Variants in IFT80 observed in about 807,000 individuals in gnomAD.
The protein encoded by IFT80 is intraflagellar transport protein 80 homolog.
Under a neutral mutation model 107.9 loss-of-function variants are expected in IFT80, and 79 were observed. The observed-to-expected ratio is 0.73, with a 90% CI of 0.61 to 0.88. The LOEUF is 0.88. IFT80 is among the 40% of genes least tolerant of loss of function. The probability of loss-of-function intolerance (pLI) is 0.00; values close to 1 mark genes in which losing one functional copy is unlikely to be tolerated. For synonymous variants in IFT80, 299 were observed against 300.9 expected, an observed-to-expected ratio of 0.99 and a Z score of 0.07; for missense variants, 797 against 914.2, an observed-to-expected ratio of 0.87 and a Z score of 1.65.
rs907082629 is a variant in IFT80 at position 160,365,951 on chromosome 3, A to G, written c.549+92T>C. 4 of 897,252 alleles carry G rather than the reference A, an allele frequency of 4.5e-6. No individual in the cohort carries two copies. In the African/African-American group the frequency reaches 6.6e-5, roughly 15 times the overall value. The allele number at this position is 897,252 out of a possible 1,614,324, so 55.6% of individuals were successfully genotyped here. A position where few individuals can be genotyped will look rare whatever the true frequency, so the allele number is the denominator to read the frequency against. On this transcript the variant is annotated intron_variant, in intron 6 of 19. Coordinates refer to ENST00000326448, the MANE Select transcript of IFT80 (RefSeq NM_020800.3). ...TACTTAAAGACCAGACTGTAAAAAG[A>G]CCACCCAGAAGAAAGAGACTCCTAA...
intron 8 of IFT80, among the ~76,000 whole-genome samples, chr3:160,327,581 A>T (rs944656194): frequency 6.6e-6 from 1 of 152,236 alleles, no homozygotes; most frequent in Non-Finnish European, 1.5e-5. Context: ...TGAGGAAAGG[A>T]GTCCCTATTT....
rs775678547 is a variant in IFT80, at chr3:160,375,880, A to G, written c.371T>C (p.Val124Ala). Residue 124 changes from valine to alanine, a missense_variant and splice_region_variant, in exon 5 of 20, where the codon GTT (valine) becomes GCT (alanine). By Grantham distance (64) the Val-to-Ala change is moderately conservative. Coordinates refer to ENST00000326448, the MANE Select transcript of IFT80 (RefSeq NM_020800.3). ...WNYEGTALVTVGEDGQIKIWS... is the reference protein window; with the variant it reads ...WNYEGTALVTAGEDGQIKIWS... ...AATTTTTATTTGTCCATCTTCTCCA[A>G]CTATACAGGGAAAAAAAAATTAATC... 60 of 1,598,236 alleles carry G rather than the reference A, an allele frequency of 3.8e-5. No homozygotes were observed. Among genetic ancestry groups the G allele is most frequent in the Non-Finnish European group, 4.8e-5 (56 of 1,166,514 alleles).
chr3:160,285,676 G>C (rs1408388880), intron 13 of IFT80, 128 bp downstream of exon 13: 3 of 666,320 alleles, frequency 4.5e-6, no homozygotes, highest in Non-Finnish European at 7.8e-6. Context: ...ATAGTCAATG[G>C]AGAATGCACA....
chr3:160,321,796 T>A (rs1718238076), intron 8 of IFT80, among the ~76,000 whole-genome samples: 1 of 151,836 alleles, frequency 6.6e-6, no homozygotes, highest in Non-Finnish European at 1.5e-5. Flanking sequence ...GACTACCAAA[T>A]TTAAAGTATG....
intron 8 of IFT80, among the ~76,000 whole-genome samples, chr3:160,346,407 G>GA (rs1294638149): frequency 1.3e-5 from 2 of 151,936 alleles, no homozygotes; most frequent in Non-Finnish European, 2.9e-5. Flanking sequence ...ATAAAACTTT[G>GA]AAAAAAATAA....
chr3:160,384,533 C>A, intron 2 of IFT80, 31 bp downstream of exon 2: 4 of 1,411,632 alleles, frequency 2.8e-6, no homozygotes, highest in South Asian at 2.6e-5. Flanking sequence ...TTAAGAAAAT[C>A]CAATAAGATT....
chr3:160,361,816 C>A (rs1268743388), intron 6 of IFT80, among the ~76,000 whole-genome samples: 1 of 152,172 alleles, frequency 6.6e-6, no homozygotes, highest in African/African-American at 2.4e-5. Context: ...TAAAGATGTT[C>A]TTTGAAACCA....
chr3:160,324,788 G>C (rs1718554513), intron 8 of IFT80, among the ~76,000 whole-genome samples: 1 of 152,084 alleles, frequency 6.6e-6, no homozygotes, highest in Non-Finnish European at 1.5e-5. Context: ...AGGGCAATTA[G>C]GCAGGAGAAG....
At chr3:160,381,088 T>A (rs2108403217) in intron 3 of IFT80, among the ~76,000 whole-genome samples, 1 of 151,296 alleles carries the variant, frequency 6.6e-6, no homozygotes, top group East Asian at 1.9e-4. Flanking sequence ...AATGTTTTAA[T>A]TAACCAGATG....
At chr3:160,365,941 C>T in intron 6 of IFT80, 102 bp downstream of exon 6, 1 of 824,662 alleles carries the variant, frequency 1.2e-6, no homozygotes, top group Non-Finnish European at 2.1e-6. Context: ...AAAGACCAGA[C>T]TGTAAAAAGA....
chr3:160,311,867 T>A (rs1717285297), intron 9 of IFT80, among the ~76,000 whole-genome samples: 1 of 152,150 alleles, frequency 6.6e-6, no homozygotes, highest in Admixed American at 6.5e-5. Context: ...AACCTCCGCC[T>A]CCCAGGTTCA....
intron 8 of IFT80, among the ~76,000 whole-genome samples, chr3:160,323,841 T>C (rs551868514): frequency 5.8e-4 from 88 of 151,734 alleles, no homozygotes; most frequent in Admixed American, 1.1e-3. Context: ...AATCCAGGAG[T>C]TGGTTTTTTG....
At chr3:160,290,010 A>T (rs571750786) in intron 12 of IFT80, among the ~76,000 whole-genome samples, 2 of 152,110 alleles carry the variant, frequency 1.3e-5, no homozygotes, top group Non-Finnish European at 2.9e-5. Context: ...TTGAATGAAA[A>T]CTGGAGAGTT....
chr3:160,299,540 C>A (rs1716249064), intron 12 of IFT80, among the ~76,000 whole-genome samples: 1 of 152,094 alleles, frequency 6.6e-6, no homozygotes, highest in African/African-American at 2.4e-5. Context: ...GGATCACTCA[C>A]TCTTAACTTT....
At chr3:160,348,379 G>A (rs749889561) in intron 8 of IFT80, among the ~76,000 whole-genome samples, 81 of 152,148 alleles carry the variant, frequency 5.3e-4, no homozygotes, top group Non-Finnish European at 7.9e-4. Context: ...CTTTTGATAT[G>A]TAAGGAATAA....
intron 6 of IFT80, among the ~76,000 whole-genome samples, chr3:160,365,013 GAA>G (rs61095178): frequency 1.4e-5 from 2 of 143,220 alleles, no homozygotes; most frequent in African/African-American, 5.0e-5. Flanking sequence ...AAAAAAAAAA[GAA>G]AAAAAAACAA....
chr3:160,310,685 A>G (rs111418059), intron 9 of IFT80, among the ~76,000 whole-genome samples: 313 of 152,308 alleles, frequency 2.1e-3, no homozygotes, highest in African/African-American at 7.0e-3. Flanking sequence ...TCAGGTTTAT[A>G]ATACCTGAAC....
chr3:160,338,378 G>T (rs1429706813), intron 8 of IFT80, among the ~76,000 whole-genome samples: 1 of 152,108 alleles, frequency 6.6e-6, no homozygotes, highest in African/African-American at 2.4e-5. Context: ...CAAGGGAGGA[G>T]GATCCTAGGC....
intron 12 of IFT80, among the ~76,000 whole-genome samples, chr3:160,287,179 G>A (rs893339638): frequency 6.6e-6 from 1 of 152,110 alleles, no homozygotes; most frequent in African/African-American, 2.4e-5. Flanking sequence ...GAGAGAAGAG[G>A]GCACAGAAAC....
Sources: gnomAD v4.1 joint callset for allele counts (sites outside exome capture counted in the v4.1 genomes callset) on GRCh38, gnomAD v4.1.1 for gene constraint, MANE v1.5 for transcripts, NCBI Gene and HGNC (gene_info 2026-07-23, HGNC 2026-07-21) for gene names.